ARFGEF1: variants seen among roughly 807,000 people sequenced by gnomAD.
ARFGEF1 encodes ARF guanine nucleotide exchange factor 1.
In ARFGEF1, 42 loss-of-function variants were observed where a neutral mutation model predicts 231.0. The ratio of observed to expected loss-of-function variants is 0.18; its 90% CI spans 0.14 to 0.24. ARFGEF1 has a LOEUF of 0.24. Among genes scored for constraint, ARFGEF1 ranks in the 10% least tolerant of loss-of-function variants. The pLI is 1.00. For synonymous variants in ARFGEF1, 710 were observed against 732.3 expected (o/e 0.97, Z 0.49); for missense variants, 1,345 against 2,192.0 (o/e 0.61, Z 7.72).
intron 35 of ARFGEF1, among the ~76,000 whole-genome samples, chr8:67,203,532 T>C (rs1199981251): frequency 6.6e-6 from 1 of 152,186 alleles, no homozygotes; most frequent in Admixed American, 6.5e-5. Flanking sequence ...ATGGAGTCCA[T>C]GCATCATTTT....
chr8:67,175,307 C>T (rs760275528), downstream of ARFGEF1: 8 of 1,609,052 alleles, frequency 5.0e-6, no homozygotes, highest in African/African-American at 1.3e-5. Context: ...TTCAGAAACA[C>T]GAGTTGATCT....
chr8:67,325,739 T>C (rs1352309653), intron 1 of ARFGEF1, among the ~76,000 whole-genome samples: 1 of 152,198 alleles, frequency 6.6e-6, no homozygotes. Context: ...TGAATTATTA[T>C]GAAGGAAGAC....
At chr8:67,184,322 A>G (rs1465132064) in intron 5 of ARFGEF1, among the ~76,000 whole-genome samples, 1 of 152,246 alleles carries the variant, frequency 6.6e-6, no homozygotes, top group African/African-American at 2.4e-5. Flanking sequence ...GCAGAAATCA[A>G]TGAAATTGAA....
chr8:67,238,514 A>C, intron 21 of ARFGEF1, 21 bp from the exon 22 acceptor site: 1 of 1,579,992 alleles, frequency 6.3e-7, no homozygotes, highest in Non-Finnish European at 8.6e-7. Flanking sequence ...AAAAGGAAAA[A>C]AATGTTAAAT....
chr8:67,199,008 ATCT>A lies in ARFGEF1; in HGVS notation c.5473_5475del (p.Arg1825del). The A allele has an allele frequency of 6.2e-7, 1 of 1,613,226 alleles. No homozygotes were observed. The highest frequency in any genetic ancestry group is 8.5e-7 in the Non-Finnish European group (1 of 1,179,800). On this transcript the variant is annotated inframe_deletion, in exon 39 of 39. Transcript: ENST00000262215. ...AAAACTACTCCGATTCGCAGAAAAA[ATCT>A]TCTAAGAACAGCACGAAGTTCAGGA...
At chr8:67,299,452 T>C (rs1049300079) in intron 3 of ARFGEF1, 97 bp from the exon 4 acceptor site, 33 of 1,149,692 alleles carry the variant, frequency 2.9e-5, no homozygotes, top group Non-Finnish European at 3.5e-5. Flanking sequence ...CAATTGAATA[T>C]ACATAAAATT....
intron 34 of ARFGEF1, among the ~76,000 whole-genome samples, chr8:67,207,674 G>A (rs148134929): frequency 4.0e-4 from 61 of 152,344 alleles, no homozygotes; most frequent in Middle Eastern, 3.4e-3. Flanking sequence ...AAGAATTGAG[G>A]CTGGTCTGTG....
chr8:67,268,527 T>C (rs890277174), intron 10 of ARFGEF1, among the ~76,000 whole-genome samples: 9 of 152,218 alleles, frequency 5.9e-5, no homozygotes, highest in African/African-American at 2.2e-4. Flanking sequence ...TTCAAATAAA[T>C]CACACTACAT....
At chr8:67,223,034 A>G (rs926274372) in intron 29 of ARFGEF1, among the ~76,000 whole-genome samples, 3 of 152,218 alleles carry the variant, frequency 2.0e-5, no homozygotes, top group African/African-American at 4.8e-5. Context: ...ACAATGCTGA[A>G]ATTGCCTACT....
At chr8:67,227,655 ATTCT>A in intron 25 of ARFGEF1, 57 bp from the exon 26 acceptor site, 4 of 1,554,624 alleles carry the variant, frequency 2.6e-6, no homozygotes, top group South Asian at 1.2e-5. Context: ...AAAATCTACA[ATTCT>A]TTATTTTTTG....
chr8:67,317,671 G>A (rs1202863076), intron 1 of ARFGEF1, among the ~76,000 whole-genome samples: 1 of 151,426 alleles, frequency 6.6e-6, no homozygotes, highest in Non-Finnish European at 1.5e-5. Flanking sequence ...AGCACTTTGG[G>A]AGGCTGAAGC....
Position 67,343,293 on chromosome 8 carries a change from C to T in ARFGEF1, c.-6G>A, listed in dbSNP as rs202233250. ...GTCTTCTTCCCCTCATACATGGACG[C>T]AGAGAAGGAGGCGGCGGCTCGTCCG... is the stretch of plus-strand genomic sequence containing the variant. On this transcript the variant is annotated 5_prime_UTR_variant, in exon 1 of 39. Coordinates refer to ENST00000262215, the MANE Select transcript of ARFGEF1 (RefSeq NM_006421.5). 13 of 1,612,326 alleles carry T rather than the reference C, an allele frequency of 8.1e-6. No individual in the cohort carries two copies. In the East Asian group the frequency reaches 2.5e-4, roughly 30 times the overall value.
intron 38 of ARFGEF1, chr8:67,199,473 A>G (rs1838237328): frequency 5.2e-6 from 1 of 191,844 alleles, no homozygotes; most frequent in Admixed American, 6.1e-5. Context: ...AGTTTTGGGG[A>G]AAATTCTACC....
At chr8:67,254,296 T>A (rs1240368320) in intron 17 of ARFGEF1, among the ~76,000 whole-genome samples, 1 of 152,170 alleles carries the variant, frequency 6.6e-6, no homozygotes, top group African/African-American at 2.4e-5. Context: ...TGTTTACACT[T>A]TACCTCCAGA....
At chr8:67,267,299 T>C (rs758929127) in intron 11 of ARFGEF1, 44 bp downstream of exon 11, 2 of 1,587,562 alleles carry the variant, frequency 1.3e-6, no homozygotes, top group Non-Finnish European at 1.7e-6. Flanking sequence ...CTTTTAAATA[T>C]CTAATAATAA....
intron 33 of ARFGEF1, among the ~76,000 whole-genome samples, chr8:67,214,576 C>CTATAA (rs1247609864): frequency 6.6e-6 from 1 of 152,030 alleles, no homozygotes; most frequent in Non-Finnish European, 1.5e-5. Context: ...AAGGCCAAGG[C>CTATAA]TATAATAGCT....
intron 1 of ARFGEF1, among the ~76,000 whole-genome samples, chr8:67,322,474 GT>G (rs1259884934): frequency 6.6e-6 from 1 of 152,148 alleles, no homozygotes; most frequent in Admixed American, 6.6e-5. Context: ...AGTGGGGATG[GT>G]TGTTTGAGGC....
chr8:67,283,404 G>C (rs1365550838), intron 7 of ARFGEF1, among the ~76,000 whole-genome samples: 2 of 152,084 alleles, frequency 1.3e-5, no homozygotes, highest in Non-Finnish European at 2.9e-5. Context: ...AAATTCAAAT[G>C]GATGTGAATG....
chr8:67,274,048 T>A (rs1475301093), intron 9 of ARFGEF1, among the ~76,000 whole-genome samples: 1 of 152,200 alleles, frequency 6.6e-6, no homozygotes, highest in Non-Finnish European at 1.5e-5. Context: ...GGACTTATTC[T>A]TGTATTCATC....
Sources: allele counts gnomAD v4.1 joint callset (sites outside exome capture counted in the v4.1 genomes callset), GRCh38; gene constraint gnomAD v4.1.1; transcripts MANE v1.5; gene names NCBI Gene and HGNC (gene_info 2026-07-23, HGNC 2026-07-21).